EVI5: variants seen among roughly 807,000 people sequenced by gnomAD.
EVI5 encodes the protein ecotropic viral integration site 5 protein homolog.
EVI5 carries 73 observed loss-of-function variants against 112.0 expected under a neutral mutation model. The observed-to-expected ratio is 0.65, with a 90% confidence interval of 0.54 to 0.79. The LOEUF (loss-of-function observed/expected upper bound fraction) is 0.79. EVI5 is among the 30% of genes least tolerant of loss of function. The pLI is 0.00. For synonymous variants in EVI5, 305 were observed against 319.9 expected (o/e 0.95, Z 0.50); for missense variants, 900 against 968.8 (o/e 0.93, Z 0.94).
intron 13 of EVI5, among the ~76,000 whole-genome samples, chr1:92,639,513 G>A (rs1308760259): frequency 6.6e-6 from 1 of 151,972 alleles, no homozygotes; most frequent in South Asian, 2.1e-4. Context: ...ATTAGAAAAA[G>A]GGTTGTCCAT....
intron 16 of EVI5, among the ~76,000 whole-genome samples, chr1:92,621,371 T>G (rs1557919519): frequency 1.3e-5 from 2 of 152,206 alleles, no homozygotes; most frequent in African/African-American, 4.8e-5. Context: ...TGCAGTGGCG[T>G]GATCTTGGCT....
chr1:92,540,918 A>C (rs1664688463), intron 19 of EVI5, among the ~76,000 whole-genome samples: 1 of 152,176 alleles, frequency 6.6e-6, no homozygotes, highest in East Asian at 1.9e-4. Flanking sequence ...TACTAAAAAT[A>C]CAAAAATTAG....
At chr1:92,746,521 C>T (rs1348671562) in intron 1 of EVI5, among the ~76,000 whole-genome samples, 2 of 151,992 alleles carry the variant, frequency 1.3e-5, no homozygotes, top group African/African-American at 4.8e-5. Context: ...AGGTCAGGAG[C>T]TCGAGATCAG....
chr1:92,738,464 CATTAT>C (rs1677807550), intron 1 of EVI5, among the ~76,000 whole-genome samples: 1 of 152,144 alleles, frequency 6.6e-6, no homozygotes, highest in African/African-American at 2.4e-5. Flanking sequence ...TTTACATTTT[CATTAT>C]ATTAAACTCC....
chr1:92,551,692 A>G (rs976075719), intron 19 of EVI5, among the ~76,000 whole-genome samples: 8 of 152,204 alleles, frequency 5.3e-5, no homozygotes, highest in Admixed American at 4.6e-4. Context: ...ACCTAGTAAG[A>G]GTATGTTACC....
At chr1:92,554,515 C>T (rs1014788191) in intron 19 of EVI5, among the ~76,000 whole-genome samples, 2 of 152,282 alleles carry the variant, frequency 1.3e-5, no homozygotes, top group Admixed American at 1.3e-4. Context: ...ATTCTTAAAT[C>T]TCAGCTTTAA....
intron 19 of EVI5, among the ~76,000 whole-genome samples, chr1:92,549,677 A>G (rs1463770369): frequency 6.6e-6 from 1 of 152,208 alleles, no homozygotes; most frequent in East Asian, 1.9e-4. Flanking sequence ...CCCCATCAAA[A>G]AGTGGGCAAA....
intron 19 of EVI5, among the ~76,000 whole-genome samples, chr1:92,547,804 T>C (rs1358354007): frequency 1.3e-5 from 2 of 152,256 alleles, no homozygotes; most frequent in East Asian, 1.9e-4. Flanking sequence ...CAGGAAGAAG[T>C]TGAATCTCTG....
chr1:92,610,825 G>A (rs907793376), intron 16 of EVI5, among the ~76,000 whole-genome samples: 2 of 151,988 alleles, frequency 1.3e-5, no homozygotes, highest in South Asian at 4.2e-4. Flanking sequence ...TTTAAGAGAT[G>A]GTAACAGTTG....
intron 18 of EVI5, among the ~76,000 whole-genome samples, chr1:92,590,807 A>T (rs1673709974): frequency 6.6e-6 from 1 of 152,194 alleles, no homozygotes. Context: ...AAGACACGTA[A>T]TTGTCAGATT....
chr1:92,578,133 C>G (rs1312612560), intron 18 of EVI5, among the ~76,000 whole-genome samples: 1 of 152,108 alleles, frequency 6.6e-6, no homozygotes, highest in Non-Finnish European at 1.5e-5. Flanking sequence ...GTTTGAAAAG[C>G]CCTTTCTGGA....
intron 19 of EVI5, among the ~76,000 whole-genome samples, chr1:92,535,759 T>C (rs1212829279): frequency 1.3e-5 from 2 of 151,526 alleles, no homozygotes; most frequent in Non-Finnish European, 2.9e-5. Flanking sequence ...GGGCCTGTCG[T>C]GGGGTGGGGG....
intron 1 of EVI5, among the ~76,000 whole-genome samples, chr1:92,752,706 T>C (rs1187602913): frequency 6.6e-6 from 1 of 152,028 alleles, no homozygotes; most frequent in African/African-American, 2.4e-5. Flanking sequence ...TCCTCCTCCA[T>C]ATTTTCTTTC....
intron 13 of EVI5, among the ~76,000 whole-genome samples, chr1:92,655,490 A>G (rs1662846844): frequency 6.6e-6 from 1 of 152,186 alleles, no homozygotes; most frequent in African/African-American, 2.4e-5. Flanking sequence ...AGTTCTAAAC[A>G]TGTAAACAAA....
At chr1:92,725,679 C>A (rs1052602496) in intron 2 of EVI5, among the ~76,000 whole-genome samples, 2 of 150,436 alleles carry the variant, frequency 1.3e-5, no homozygotes, top group African/African-American at 4.9e-5. Flanking sequence ...GCCGTGGTCA[C>A]GCCACTGTAC....
intron 16 of EVI5, among the ~76,000 whole-genome samples, chr1:92,623,455 A>G (rs1655003332): frequency 6.6e-6 from 1 of 152,226 alleles, no homozygotes; most frequent in South Asian, 2.1e-4. Flanking sequence ...ATATGGTCCA[A>G]ACAAATGTAC....
intron 10 of EVI5, among the ~76,000 whole-genome samples, chr1:92,671,647 T>G (rs1665896624): frequency 6.6e-6 from 1 of 152,230 alleles, no homozygotes; most frequent in South Asian, 2.1e-4. Context: ...CTGGAGTCTT[T>G]CCCATCTCAG....
intron 18 of EVI5, among the ~76,000 whole-genome samples, chr1:92,570,453 G>T (rs1014568767): frequency 6.6e-6 from 1 of 152,182 alleles, no homozygotes; most frequent in Admixed American, 6.5e-5. Context: ...TTGCAATATG[G>T]AATCCAACTT....
chr1:92,681,999 A>G (rs1458954727), intron 9 of EVI5, among the ~76,000 whole-genome samples: 1 of 151,968 alleles, frequency 6.6e-6, no homozygotes, highest in Non-Finnish European at 1.5e-5. Flanking sequence ...TTTTGCAGAG[A>G]TGGGGTTTTA....
Sources: gnomAD v4.1 joint callset for allele counts (sites outside exome capture counted in the v4.1 genomes callset) on GRCh38, gnomAD v4.1.1 for gene constraint, MANE v1.5 for transcripts, NCBI Gene and HGNC (gene_info 2026-07-23, HGNC 2026-07-21) for gene names.